Variants in NUP205 observed in about 807,000 individuals in gnomAD.
NUP205 encodes the protein nucleoporin 205.
Under a neutral mutation model 253.8 loss-of-function variants are expected in NUP205, and 76 were observed. The observed-to-expected ratio is 0.30, with a 90% CI of 0.25 to 0.36. NUP205 has a LOEUF of 0.36. Ranked by LOEUF, NUP205 falls within the 10% of genes least tolerant of loss-of-function variation. The pLI, the probability that NUP205 is intolerant of heterozygous loss-of-function variation, is 1.00. For missense variants in NUP205, 2,162 were observed against 2,425.5 expected (o/e 0.89, Z 2.28); for synonymous variants, 832 against 850.1 (o/e 0.98, Z 0.37).
intron 34 of NUP205, 32 bp downstream of exon 34, chr7:135,628,143 A>G (rs779979284): frequency 1.3e-6 from 2 of 1,589,570 alleles, no homozygotes; most frequent in Non-Finnish European, 1.7e-6. Context: ...GATATTGTCT[A>G]GAGCAAAATC....
At chr7:135,584,245 G>T (rs1753634170) in intron 7 of NUP205, among the ~76,000 whole-genome samples, 1 of 152,048 alleles carries the variant, frequency 6.6e-6, no homozygotes, top group African/African-American at 2.4e-5. Flanking sequence ...TCCATAAGTT[G>T]GTAGTATTGA....
At chr7:135,614,056 G>T (rs1213212061) in intron 22 of NUP205, 103 bp from the exon 23 acceptor site, 1 of 619,134 alleles carries the variant, frequency 1.6e-6, no homozygotes, top group African/African-American at 1.9e-5. Context: ...TTGTTGATGG[G>T]TCCTAGTTTT....
intron 8 of NUP205, among the ~76,000 whole-genome samples, chr7:135,585,411 T>G (rs1194923558): frequency 6.6e-6 from 1 of 152,162 alleles, no homozygotes; most frequent in Admixed American, 6.5e-5. Flanking sequence ...AGAAAGTAAT[T>G]AAATGAAAAT....
chr7:135,643,423 C>CTT, intron 39 of NUP205, 65 bp downstream of exon 39: 3 of 1,020,870 alleles, frequency 2.9e-6, no homozygotes, highest in Non-Finnish European at 1.4e-6. Flanking sequence ...CCAGGGTACT[C>CTT]AGACTGAGTA....
chr7:135,629,111 A>G (rs1169618931), intron 34 of NUP205, among the ~76,000 whole-genome samples: 3 of 152,238 alleles, frequency 2.0e-5, no homozygotes, highest in South Asian at 4.1e-4. Context: ...ACCAGACATT[A>G]TAAGCTTAGG....
intron 15 of NUP205, chr7:135,598,930 C>T (rs1484411810): frequency 2.6e-5 from 4 of 152,056 alleles, no homozygotes; most frequent in African/African-American, 4.8e-5. Context: ...ATGTAATTCA[C>T]GTTAGTCTAT....
intron 11 of NUP205, among the ~76,000 whole-genome samples, chr7:135,592,246 C>T (rs556176567): frequency 2.6e-5 from 4 of 152,272 alleles, no homozygotes; most frequent in East Asian, 3.9e-4. Flanking sequence ...CTTTTGCTTC[C>T]GATGCTTGGT....
At chr7:135,567,457 CAG>C (rs1805816247) in intron 1 of NUP205, among the ~76,000 whole-genome samples, 2 of 114,364 alleles carry the variant, frequency 1.7e-5, no homozygotes, top group Middle Eastern at 0.01. Flanking sequence ...AGCAAACAAA[CAG>C]AAATTAGGTG....
At chr7:135,588,092 A>C in intron 10 of NUP205, 100 bp downstream of exon 10, 1 of 972,522 alleles carries the variant, frequency 1.0e-6, no homozygotes, top group Admixed American at 2.9e-5. Context: ...TGTTAACACA[A>C]ATGATCACTA....
At chr7:135,612,608 G>T (rs1042589838) in intron 22 of NUP205, among the ~76,000 whole-genome samples, 1 of 152,154 alleles carries the variant, frequency 6.6e-6, no homozygotes, top group Non-Finnish European at 1.5e-5. Flanking sequence ...ATGATAGCTG[G>T]AACAGGAAAA....
intron 22 of NUP205, among the ~76,000 whole-genome samples, chr7:135,608,998 G>A (rs1260228330): frequency 6.6e-6 from 1 of 150,964 alleles, no homozygotes; most frequent in African/African-American, 2.4e-5. Context: ...TAGCTCCTCA[G>A]GAGGCTGAGG....
In NUP205 at chr7:135,602,843, G is replaced by A; in HGVS notation, c.2551G>A (p.Ala851Thr). The A allele has an allele frequency of 6.2e-7, 1 of 1,613,962 alleles. No homozygotes were observed. Among genetic ancestry groups the A allele is most frequent in the Non-Finnish European group, 8.5e-7 (1 of 1,179,916 alleles). Residue 851 changes from alanine (A) to threonine (T), a missense_variant, in exon 18 of 43, where the codon GCA (alanine) becomes ACA (threonine). Transcript: ENST00000285968. ...HLEKAVQHCL[A>T]LLNLTLQKEN... ...GGAGAAAGCAGTACAGCATTGCCTTGCACTTCTCAATCTTACTCTGCAAAA... is the reference window on the plus strand; with the variant it reads ...GGAGAAAGCAGTACAGCATTGCCTTACACTTCTCAATCTTACTCTGCAAAA...
At chr7:135,594,094 A>T (rs1262922870) in intron 12 of NUP205, among the ~76,000 whole-genome samples, 1 of 152,194 alleles carries the variant, frequency 6.6e-6, no homozygotes, top group Admixed American at 6.5e-5. Context: ...AAATATGTAT[A>T]GTTATTACAT....
chr7:135,610,940 C>G (rs73725189), intron 22 of NUP205, among the ~76,000 whole-genome samples: 5,178 of 152,040 alleles, frequency 0.034, 118 homozygotes, highest in Middle Eastern at 0.1. Context: ...AAGGATATAG[C>G]CCACATCTTA....
Position 135,646,242 on chromosome 7 carries a change from A to G in NUP205, c.5886+11A>G. ...CATGATTTAGACCAGGTAAGGTTCTATTCTCATATTCTTTTATTTTTCTTC... is the reference window on the plus strand; with the variant it reads ...CATGATTTAGACCAGGTAAGGTTCTGTTCTCATATTCTTTTATTTTTCTTC... On this transcript the variant is annotated intron_variant, in intron 42 of 42. Coordinates refer to ENST00000285968, the MANE Select transcript of NUP205 (RefSeq NM_015135.3). 1 of 1,574,060 alleles carries G rather than the reference A, an allele frequency of 6.4e-7. No homozygotes were observed. Among genetic ancestry groups the G allele is most frequent in the Non-Finnish European group, 8.7e-7 (1 of 1,143,654 alleles).
At chr7:135,570,695 TAATTAATTATATTAATATA>T (rs1429501582) in intron 1 of NUP205, among the ~76,000 whole-genome samples, 4 of 65,866 alleles carry the variant, frequency 6.1e-5, no homozygotes, top group Admixed American at 3.1e-4. Context: ...TATATTAATA[TAATTAATTATATTAATATA>T]ATTAATTATA....
At chr7:135,638,972 G>A (rs1794868927) in intron 38 of NUP205, among the ~76,000 whole-genome samples, 1 of 152,088 alleles carries the variant, frequency 6.6e-6, no homozygotes, top group Non-Finnish European at 1.5e-5. Flanking sequence ...GTGGCTGGGT[G>A]GAAAAGATGA....
At chr7:135,609,781 C>T (rs536056028) in intron 22 of NUP205, among the ~76,000 whole-genome samples, 1 of 152,322 alleles carries the variant, frequency 6.6e-6, no homozygotes, top group Non-Finnish European at 1.5e-5. Flanking sequence ...AACATCCCTT[C>T]ACTGTAAGTA....
chr7:135,617,826 A>T lies in NUP205; in HGVS notation c.3771+144A>T, dbSNP rs117920015. The T allele has an allele frequency of 2.0e-3, 942 of 469,786 alleles. 25 individuals carry two copies. In the East Asian group the frequency reaches 0.028, roughly 14 times the overall value. The allele number at this position is 469,786 out of a possible 1,614,324, so 29.1% of individuals were successfully genotyped here. A position where few individuals can be genotyped will look rare whatever the true frequency, so the allele number is the denominator to read the frequency against. On this transcript the variant is annotated intron_variant, in intron 27 of 42. Transcript: ENST00000285968. ...ACATTTAGGGAGTCTTTCACTTTTG[A>T]TTTTATAACTTTTATAAACTGAACT...
Sources: allele counts gnomAD v4.1 joint callset (sites outside exome capture counted in the v4.1 genomes callset), GRCh38; gene constraint gnomAD v4.1.1; transcripts MANE v1.5; gene names NCBI Gene and HGNC (gene_info 2026-07-23, HGNC 2026-07-21).